Variants in ADCY8 observed in about 807,000 individuals in gnomAD.
ADCY8 encodes the protein adenylate cyclase 8.
Under a neutral mutation model 119.7 loss-of-function variants are expected in ADCY8, and 51 were observed. The ratio of observed to expected loss-of-function variants is 0.43; its 90% CI spans 0.34 to 0.54. ADCY8 has a LOEUF of 0.54. Ranked by LOEUF, ADCY8 falls within the 20% of genes least tolerant of loss-of-function variation. The probability of loss-of-function intolerance (pLI) is 0.03; values close to 1 mark genes in which losing one functional copy is unlikely to be tolerated. For missense variants in ADCY8, 1,383 were observed against 1,598.8 expected (o/e 0.87, Z 2.30); for synonymous variants, 665 against 651.0 (o/e 1.02, Z -0.33).
chr8:130,936,396 T>C (rs1243383890), intron 5 of ADCY8, among the ~76,000 whole-genome samples: 1 of 152,108 alleles, frequency 6.6e-6, no homozygotes, highest in Admixed American at 6.5e-5. Flanking sequence ...CTATTGGCCA[T>C]AGGATAAAGT....
At chr8:131,019,843 G>GTCTCTCTCTCTC (rs71306306) in intron 1 of ADCY8, among the ~76,000 whole-genome samples, 32 of 86,876 alleles carry the variant, frequency 3.7e-4, no homozygotes, top group South Asian at 1.5e-3. Context: ...CTCTCTGTCT[G>GTCTCTCTCTCTC]TCTCTCTCTC....
intron 1 of ADCY8, among the ~76,000 whole-genome samples, chr8:131,037,189 A>G (rs1336612081): frequency 5.9e-5 from 9 of 152,164 alleles, no homozygotes; most frequent in Non-Finnish European, 7.3e-5. Context: ...GACTCAACCT[A>G]TGAAATCGTA....
chr8:130,780,443 C>A lies in ADCY8; in HGVS notation c.3703G>T (p.Gly1235Cys). The A allele has an allele frequency of 6.2e-7, 1 of 1,613,000 alleles. No homozygotes were observed. The highest frequency in any genetic ancestry group is 1.1e-5 in the South Asian group (1 of 90,998). Residue 1235 changes from glycine to cysteine, a missense_variant, in exon 18 of 18, where the codon GGC becomes TGC. Gly to Cys is a radical substitution (Grantham distance 159). Coordinates refer to ENST00000286355, the MANE Select transcript of ADCY8 (RefSeq NM_001115.3). ...YNRRTLLSPS[G>C]TEPGAQAEGT... ...TCAGCCTGGGCTCCAGGCTCTGTGC[C>A]GCTGGGTGACAACAAAGTCCGCCGG...
chr8:130,881,857 T>C, intron 8 of ADCY8, among the ~76,000 whole-genome samples: 1 of 152,008 alleles, frequency 6.6e-6, no homozygotes, highest in Non-Finnish European at 1.5e-5. Context: ...AATTTTTTTT[T>C]TTTTTTGTCC....
intron 17 of ADCY8, among the ~76,000 whole-genome samples, chr8:130,782,346 A>G (rs1815109316): frequency 6.6e-6 from 1 of 152,218 alleles, no homozygotes; most frequent in Non-Finnish European, 1.5e-5. Context: ...TGTGAGGTAG[A>G]GAGGCAGAGG....
Position 130,879,311 on chromosome 8 carries a change from C to T in ADCY8, c.2109+5253G>A, listed in dbSNP as rs553584152. ...ATAAAAAAGACAAAGGTGAGCACTG[C>T]GATAAAAGATTGGCAATGAAGACAA... On this transcript the variant is annotated intron_variant, in intron 8 of 17. Transcript: ENST00000286355. 1.1e-4 allele frequency among the ~76,000 whole-genome samples: 16 copies of T among 151,960 alleles called. No individual in the cohort carries two copies. In the South Asian group the frequency reaches 1.7e-3, roughly 16 times the overall value.
At chr8:130,789,441 T>G (rs778685234) in intron 15 of ADCY8, among the ~76,000 whole-genome samples, 1 of 152,108 alleles carries the variant, frequency 6.6e-6, no homozygotes, top group African/African-American at 2.4e-5. Flanking sequence ...ACAGTATAAT[T>G]TTGGAGAGTG....
chr8:130,965,853 G>A (rs1036514796), intron 2 of ADCY8, among the ~76,000 whole-genome samples: 3 of 152,028 alleles, frequency 2.0e-5, no homozygotes, highest in African/African-American at 7.2e-5. Context: ...AATTAACCAA[G>A]CAACAGCCCA....
chr8:130,849,891 T>C (rs1025821380), intron 9 of ADCY8, 88 bp from the exon 10 acceptor site: 7 of 1,031,678 alleles, frequency 6.8e-6, no homozygotes, highest in Non-Finnish European at 9.8e-6. Flanking sequence ...TTCCCATCCC[T>C]TGCATCGGAT....
chr8:130,868,153 A>G (rs1196415889), intron 8 of ADCY8, among the ~76,000 whole-genome samples: 1 of 152,234 alleles, frequency 6.6e-6, no homozygotes, highest in African/African-American at 2.4e-5. Context: ...TGGGAGGGAT[A>G]CTTTGCATGA....
intron 1 of ADCY8, among the ~76,000 whole-genome samples, chr8:131,025,886 G>A (rs1360892149): frequency 6.6e-6 from 1 of 152,256 alleles, no homozygotes; most frequent in African/African-American, 2.4e-5. Context: ...CCTTAACTCA[G>A]TTTGAAATCA....
At chr8:130,910,623 A>G (rs1409953672) in intron 5 of ADCY8, among the ~76,000 whole-genome samples, 2 of 152,212 alleles carry the variant, frequency 1.3e-5, no homozygotes, top group Non-Finnish European at 2.9e-5. Flanking sequence ...ATCCGTTGAG[A>G]TGCAGGAGGA....
intron 7 of ADCY8, among the ~76,000 whole-genome samples, chr8:130,887,782 T>C (rs920258474): frequency 3.3e-5 from 5 of 152,176 alleles, no homozygotes; most frequent in Non-Finnish European, 7.4e-5. Flanking sequence ...GATACCCCTC[T>C]ATCTCATTAG....
chr8:131,000,968 G>A lies in ADCY8; in HGVS notation c.961-10426C>T, dbSNP rs534653694. Among the ~76,000 whole-genome samples the A allele has an allele frequency of 5.9e-5, 9 of 152,176 alleles. No individual in the cohort carries two copies. The South Asian group carries it at 1.5e-3, about 25-fold the overall frequency. On this transcript the variant is annotated intron_variant, in intron 1 of 17. Coordinates refer to ENST00000286355, the MANE Select transcript of ADCY8 (RefSeq NM_001115.3). ...CAGGGAAAGGGTCTTCAAATGCATC[G>A]TAAAAAATAGTTACTTCATTCAGTT...
intron 1 of ADCY8, among the ~76,000 whole-genome samples, chr8:131,014,525 C>A (rs1361942894): frequency 2.0e-5 from 3 of 146,502 alleles, no homozygotes; most frequent in Non-Finnish European, 4.4e-5. Context: ...CCTATTTTAC[C>A]ATTTTTTTTA....
chr8:130,859,450 C>A (rs537924474), intron 9 of ADCY8, among the ~76,000 whole-genome samples: 1 of 152,170 alleles, frequency 6.6e-6, no homozygotes, highest in Non-Finnish European at 1.5e-5. Flanking sequence ...ATGGGAAATT[C>A]CTATATCAAC....
chr8:130,876,113 C>T (rs989192864), intron 8 of ADCY8, among the ~76,000 whole-genome samples: 11 of 151,732 alleles, frequency 7.2e-5, no homozygotes, highest in South Asian at 6.2e-4. Flanking sequence ...TGCAGTGGTG[C>T]GATCTCAGTT....
chr8:130,909,897 G>A, intron 5 of ADCY8, 31 bp from the exon 6 acceptor site: 1 of 1,602,940 alleles, frequency 6.2e-7, no homozygotes, highest in Non-Finnish European at 8.5e-7. Flanking sequence ...AGAGACACAT[G>A]TATAAGACCA....
chr8:130,848,730 AC>A (rs1363798474), intron 10 of ADCY8, among the ~76,000 whole-genome samples: 1 of 152,322 alleles, frequency 6.6e-6, no homozygotes, highest in South Asian at 2.1e-4. Context: ...CTGGAACCAA[AC>A]AAATCACCTC....
Sources: allele counts gnomAD v4.1 joint callset (sites outside exome capture counted in the v4.1 genomes callset), GRCh38; gene constraint gnomAD v4.1.1; transcripts MANE v1.5; gene names NCBI Gene and HGNC (gene_info 2026-07-23, HGNC 2026-07-21).